The following ZFHX3 variants were observed in gnomAD, a reference collection of about 807,000 sequenced individuals.
ZFHX3 encodes the protein zinc finger homeobox protein 3.
In ZFHX3, 42 loss-of-function variants were observed where a neutral mutation model predicts 279.1. The ratio of observed to expected loss-of-function variants is 0.15; its 90% CI spans 0.12 to 0.19. The LOEUF (loss-of-function observed/expected upper bound fraction) is 0.19. Ranked by LOEUF, ZFHX3 falls within the 10% of genes least tolerant of loss-of-function variation. The probability of loss-of-function intolerance (pLI) is 1.00; values close to 1 mark genes in which losing one functional copy is unlikely to be tolerated. For missense variants in ZFHX3, 4,981 were observed against 4,754.0 expected (o/e 1.05, Z -1.40); for synonymous variants, 2,293 against 1,957.8 (o/e 1.17, Z -4.52).
At chr16:73,437,267 C>T (rs1451152994) in intron 3 of ZFHX3, among the ~76,000 whole-genome samples, 2 of 152,170 alleles carry the variant, frequency 1.3e-5, no homozygotes, top group Non-Finnish European at 2.9e-5. Flanking sequence ...GGTTCAAGGT[C>T]ACACAATTAA....
At chr16:73,672,783 C>A (rs1597058760) in intron 2 of ZFHX3, among the ~76,000 whole-genome samples, 1 of 152,046 alleles carries the variant, frequency 6.6e-6, no homozygotes, top group Admixed American at 6.5e-5. Context: ...TAATTTTACA[C>A]TTTTATGAAT....
At chr16:73,345,440 G>C (rs774265973) in intron 3 of ZFHX3, among the ~76,000 whole-genome samples, 1 of 130,326 alleles carries the variant, frequency 7.7e-6, no homozygotes, top group South Asian at 2.4e-4. Flanking sequence ...CCCTCCCTGC[G>C]TACATGTGTT....
intron 2 of ZFHX3, among the ~76,000 whole-genome samples, chr16:73,497,932 C>A (rs1377315400): frequency 6.6e-6 from 1 of 152,168 alleles, no homozygotes; most frequent in Non-Finnish European, 1.5e-5. Flanking sequence ...AAAATCCCAG[C>A]CCAATCACTC....
chr16:73,891,021 T>TCCCCCCC (rs138449323), intron 1 of ZFHX3, among the ~76,000 whole-genome samples: 1 of 52,160 alleles, frequency 1.9e-5, no homozygotes, highest in Non-Finnish European at 4.7e-5. Context: ...ACCTCGCCGC[T>TCCCCCCC]CCCCCCCTCC....
chr16:72,882,070 A>T (rs2038489564), intron 4 of ZFHX3, among the ~76,000 whole-genome samples: 1 of 151,974 alleles, frequency 6.6e-6, no homozygotes, highest in African/African-American at 2.4e-5. Context: ...TCACACCCCT[A>T]AAAAGAGGAC....
rs147143046 is a variant in ZFHX3 at position 73,288,476 on chromosome 16, C to T, written c.-1194+29764G>A. ...CTGCCCCTGCACTGATAGCTGAAGA[C>T]GCTTTTCTTCACCTACAGAAAATGA... On this transcript the variant is annotated intron_variant, in intron 4 of 17. Coordinates refer to the ZFHX3 transcript ENST00000641206. 2.6e-3 allele frequency among the ~76,000 whole-genome samples: 394 copies of T among 152,290 alleles called. 3 individuals are homozygous for T. The highest frequency in any genetic ancestry group is 5.1e-3 in the African/African-American group (212 of 41,574).
intron 1 of ZFHX3, among the ~76,000 whole-genome samples, chr16:73,742,973 T>C (rs1450012281): frequency 5.3e-5 from 8 of 152,172 alleles, no homozygotes; most frequent in Non-Finnish European, 1.2e-4. Flanking sequence ...ACTACAATAA[T>C]GTAGGAGGTA....
At chr16:73,642,085 T>C (rs1314796602) in intron 2 of ZFHX3, among the ~76,000 whole-genome samples, 1 of 152,152 alleles carries the variant, frequency 6.6e-6, no homozygotes, top group Non-Finnish European at 1.5e-5. Context: ...AGAGGGAAGG[T>C]GGTCCGTGGC....
At chr16:73,838,129 G>A (rs1220678996) in intron 1 of ZFHX3, among the ~76,000 whole-genome samples, 1 of 152,198 alleles carries the variant, frequency 6.6e-6, no homozygotes, top group African/African-American at 2.4e-5. Flanking sequence ...TCAGAGAGTT[G>A]TCAGGTTTTG....
At chr16:72,845,985 G>C (rs1423207120) in intron 4 of ZFHX3, among the ~76,000 whole-genome samples, 6 of 152,160 alleles carry the variant, frequency 3.9e-5, no homozygotes, top group Admixed American at 3.9e-4. Context: ...CTTCACAGGA[G>C]AACACACACT....
rs142733173 is a variant in ZFHX3, at chr16:72,793,331, C to T, written c.9351G>A (p.Ala3117=). ...GCAACACAGGAGGAATGCCCTGGAGCGCTGGATATGCTGTAGGAAGGTTAA... is the reference window on the plus strand; with the variant it reads ...GCAACACAGGAGGAATGCCCTGGAGTGCTGGATATGCTGTAGGAAGGTTAA... ...QALNLPTAYP[A]LQGIPPVLLP... is the part of the protein sequence containing the mutation. Residue 3117 remains alanine (A), a synonymous_variant, in exon 9 of 10, where the codon GCG becomes GCA. Coordinates refer to ENST00000268489, the MANE Select transcript of ZFHX3 (RefSeq NM_006885.4). This position sits in a 1 kb window ranked among gnomAD's most constrained non-coding sequence, Gnocchi z 4.3. The T allele has an allele frequency of 2.8e-5, 46 of 1,614,150 alleles. No individual in the cohort carries two copies. The highest frequency in any genetic ancestry group is 5.5e-5 in the South Asian group (5 of 91,080).
At chr16:73,626,597 A>G (rs1396296243) in intron 2 of ZFHX3, among the ~76,000 whole-genome samples, 2 of 152,212 alleles carry the variant, frequency 1.3e-5, no homozygotes, top group Non-Finnish European at 2.9e-5. Context: ...AGACCTAGCC[A>G]TAGGATCACC....
In ZFHX3 at chr16:72,813,179, G is replaced by GA. The variant is rs922083033; in HGVS notation, c.3530-1142dup. On this transcript the variant is annotated intron_variant, in intron 5 of 9. Coordinates refer to ENST00000268489, the MANE Select transcript of ZFHX3 (RefSeq NM_006885.4). ...TTCAGAATTTTGTTTAAAGCAATAAGAAAAAAAAAGTAATAAAAGTGGTAG... is the reference window on the plus strand; with the variant it reads ...TTCAGAATTTTGTTTAAAGCAATAAGAAAAAAAAAAGTAATAAAAGTGGTAG... Among the ~76,000 whole-genome samples, 452 of 150,604 alleles carry GA rather than the reference G, an allele frequency of 3.0e-3. 1 individual carries two copies. The highest frequency in any genetic ancestry group is 9.6e-3 in the African/African-American group (396 of 41,098).
rs1000230529 is a variant in ZFHX3, at chr16:72,785,568, A to T, written c.*1596T>A. On this transcript the variant is annotated 3_prime_UTR_variant, in exon 10 of 10. Coordinates refer to ENST00000268489, the MANE Select transcript of ZFHX3 (RefSeq NM_006885.4). ...AGAAACAAATTCTCAAGTAACAAGAACCCTTTCCCTTTTTTCTGCATCAGC... is the reference window on the plus strand; with the variant it reads ...AGAAACAAATTCTCAAGTAACAAGATCCCTTTCCCTTTTTTCTGCATCAGC... The T allele has an allele frequency of 5.9e-5, 9 of 152,424 alleles. No individual in the cohort carries two copies. Among genetic ancestry groups the T allele is most frequent in the African/African-American group, 2.2e-4 (9 of 41,366 alleles). 9.4% of individuals were successfully genotyped at this position (152,424 alleles called of 1,614,324 possible). A position where few individuals can be genotyped will look rare whatever the true frequency, so the allele number is the denominator to read the frequency against.
intron 3 of ZFHX3, among the ~76,000 whole-genome samples, chr16:73,416,700 C>G (rs1408767770): frequency 1.3e-5 from 2 of 151,882 alleles, no homozygotes; most frequent in Non-Finnish European, 2.9e-5. Flanking sequence ...GGTGAAACCC[C>G]CGTCTCTACT....
At chr16:73,042,668 G>A (rs921760009) in intron 1 of ZFHX3, among the ~76,000 whole-genome samples, 9 of 151,964 alleles carry the variant, frequency 5.9e-5, no homozygotes, top group African/African-American at 2.2e-4. Flanking sequence ...TAGAAGCATC[G>A]GGCGAGGGGT....
rs540708404 is a variant in ZFHX3, at chr16:72,925,065, T to C, written c.3216+25404A>G. 1.2e-4 allele frequency among the ~76,000 whole-genome samples: 19 copies of C among 152,346 alleles called. No homozygotes were observed. In the South Asian group the frequency reaches 3.9e-3, roughly 32 times the overall value. On this transcript the variant is annotated intron_variant, in intron 3 of 9. Transcript: ENST00000268489. ...GGGGACACACAGGTCCCATTCATAT[T>C]TGCGGTCAACTGCCAATGCCAGTGA...
intron 3 of ZFHX3, among the ~76,000 whole-genome samples, chr16:73,354,376 C>G (rs376832790): frequency 6.6e-6 from 1 of 152,150 alleles, no homozygotes; most frequent in African/African-American, 2.4e-5. Context: ...TCTGTATAGA[C>G]GCCAACAGGA....
At chr16:73,655,032 TG>T (rs1289719166) in intron 2 of ZFHX3, among the ~76,000 whole-genome samples, 1 of 152,074 alleles carries the variant, frequency 6.6e-6, no homozygotes, top group East Asian at 1.9e-4. Flanking sequence ...GGCTAATTTT[TG>T]TATTTTTAGT....
Sources: gnomAD v4.1 joint callset for allele counts (sites outside exome capture counted in the v4.1 genomes callset) on GRCh38, gnomAD v4.1.1 for gene constraint, Gnocchi (gnomAD v3.1) non-coding constraint, MANE v1.5 for transcripts, NCBI Gene and HGNC (gene_info 2026-07-23, HGNC 2026-07-21) for gene names.